ARHGAP22: variants seen among roughly 807,000 people sequenced by gnomAD.
The protein encoded by ARHGAP22 is Rho GTPase activating protein 22.
In ARHGAP22, 48 loss-of-function variants were observed where a neutral mutation model predicts 59.1. The observed-to-expected ratio is 0.81, with a 90% CI of 0.64 to 1.03. The LOEUF (loss-of-function observed/expected upper bound fraction) is 1.03. ARHGAP22 is among the 50% of genes least tolerant of loss of function. The pLI is 0.00. For synonymous variants in ARHGAP22, 445 were observed against 416.4 expected (o/e 1.07, Z -0.84); for missense variants, 1,015 against 958.7 (o/e 1.06, Z -0.78).
intron 1 of ARHGAP22, among the ~76,000 whole-genome samples, chr10:48,627,689 C>T (rs143735786): frequency 2.6e-5 from 4 of 152,324 alleles, no homozygotes; most frequent in South Asian, 2.1e-4. Flanking sequence ...GTTTTAGTTT[C>T]GAATTTCAGT....
At chr10:48,473,193 T>A (rs1237256452) in intron 4 of ARHGAP22, among the ~76,000 whole-genome samples, 1 of 152,224 alleles carries the variant, frequency 6.6e-6, no homozygotes, top group Non-Finnish European at 1.5e-5. Context: ...ATATTCCACA[T>A]AGATGAAACT....
intron 3 of ARHGAP22, among the ~76,000 whole-genome samples, chr10:48,486,766 T>A (rs2049901357): frequency 6.6e-6 from 1 of 152,248 alleles, no homozygotes; most frequent in South Asian, 2.1e-4. Context: ...CCTCTAACAT[T>A]TCTTGGAGTA....
At chr10:48,569,152 C>A (rs898541749) in intron 2 of ARHGAP22, among the ~76,000 whole-genome samples, 2 of 152,230 alleles carry the variant, frequency 1.3e-5, no homozygotes, top group African/African-American at 4.8e-5. Flanking sequence ...TATATGGTGT[C>A]TCTGTGAGAG....
chr10:48,450,324 A>G lies in ARHGAP22; in HGVS notation c.1805T>C (p.Leu602Pro). ...HARRSEALQGLVTELRAELCR... is the reference protein window; with the variant it reads ...HARRSEALQGPVTELRAELCR... ...CAGCTCGGCCCTGAGCTCAGTGACCAGCCCCTGTAAGGCCTCGGAGCGGCG... is the reference window on the plus strand; with the variant it reads ...CAGCTCGGCCCTGAGCTCAGTGACCGGCCCCTGTAAGGCCTCGGAGCGGCG... Residue 602 changes from leucine to proline, a missense_variant, in exon 9 of 10, where the codon CTG (leucine) becomes CCG (proline). Coordinates refer to ENST00000249601, the MANE Select transcript of ARHGAP22 (RefSeq NM_021226.4). 6.2e-7 allele frequency: 1 copy of G among 1,604,928 alleles called. No homozygotes were observed. The highest frequency in any genetic ancestry group is 2.3e-5 in the East Asian group (1 of 44,420).
downstream of ARHGAP22, among the ~76,000 whole-genome samples, chr10:48,441,927 T>TG (rs1017779541): frequency 6.6e-6 from 1 of 152,208 alleles, no homozygotes; most frequent in African/African-American, 2.4e-5. Context: ...CATCTTCTCT[T>TG]GATGCCTCAC....
At chr10:48,459,540 T>C in intron 5 of ARHGAP22, 144 bp downstream of exon 5, 1 of 909,042 alleles carries the variant, frequency 1.1e-6, no homozygotes. Flanking sequence ...AGTGAGGGTG[T>C]GCCCTACACT....
chr10:48,493,423 C>G (rs1318529259), intron 3 of ARHGAP22: 1 of 1,534,170 alleles, frequency 6.5e-7, no homozygotes, highest in Admixed American at 2.0e-5. Context: ...GCCAGTGACT[C>G]CAGCTATCCA....
intron 3 of ARHGAP22, among the ~76,000 whole-genome samples, chr10:48,498,225 A>G (rs2051145495): frequency 1.3e-5 from 2 of 152,188 alleles, no homozygotes; most frequent in Admixed American, 6.5e-5. Context: ...TGAGTCTCCC[A>G]TTACCTACTC....
At chr10:48,459,001 C>T (rs942025115) in intron 5 of ARHGAP22, among the ~76,000 whole-genome samples, 2 of 152,160 alleles carry the variant, frequency 1.3e-5, no homozygotes, top group African/African-American at 4.8e-5. Flanking sequence ...GGGGCAGATC[C>T]AAGAAGACAG....
chr10:48,651,400 A>G (rs770211444), intron 1 of ARHGAP22, among the ~76,000 whole-genome samples: 23 of 151,916 alleles, frequency 1.5e-4, no homozygotes, highest in Non-Finnish European at 2.5e-4. Context: ...AACCCATCCA[A>G]TCATCACCTG....
intron 1 of ARHGAP22, among the ~76,000 whole-genome samples, chr10:48,619,828 A>G (rs1474097461): frequency 6.6e-6 from 1 of 152,246 alleles, no homozygotes; most frequent in Non-Finnish European, 1.5e-5. Flanking sequence ...CAAAGGCAGC[A>G]GAAGAAAAAA....
chr10:48,450,669 T>C lies in ARHGAP22; in HGVS notation c.1460A>G (p.Gln487Arg). Residue 487 changes from glutamine (Q) to arginine (R), a missense_variant, in exon 9 of 10, where the codon CAG (glutamine) becomes CGG (arginine). Gln to Arg is a conservative substitution (Grantham distance 43). Transcript: ENST00000249601. Reference protein sequence around the residue: ...GDRLKDSGSVQRLSTYDNVPA... With the variant: ...GDRLKDSGSVRRLSTYDNVPA... The stretch of plus-strand genomic sequence containing the variant: ...CACATTGTCGTAGGTGGAGAGTCTC[T>C]GCACGGAGCCCGAGTCCTTGAGCCG... The C allele has an allele frequency of 6.4e-7, 1 of 1,550,594 alleles. No individual in the cohort carries two copies. The highest frequency in any genetic ancestry group is 8.7e-7 in the Non-Finnish European group (1 of 1,147,152).
At chr10:48,481,385 G>A (rs1338261144) in intron 3 of ARHGAP22, among the ~76,000 whole-genome samples, 2 of 152,056 alleles carry the variant, frequency 1.3e-5, no homozygotes, top group Non-Finnish European at 2.9e-5. Flanking sequence ...AGCATTCCTA[G>A]AAAAATATCT....
At chr10:48,604,185 C>G (rs2060544299) in intron 1 of ARHGAP22, among the ~76,000 whole-genome samples, 1 of 152,218 alleles carries the variant, frequency 6.6e-6, no homozygotes, top group Non-Finnish European at 1.5e-5. Context: ...CTCCTGACCC[C>G]CATCTCTTGC....
rs756280802 is a variant in ARHGAP22 at position 48,446,442 on chromosome 10, C to T, written c.2046G>A (p.Ser682=). 3 of 1,613,990 alleles carry T rather than the reference C, an allele frequency of 1.9e-6. No homozygotes were observed. The highest frequency in any genetic ancestry group is 1.3e-5 in the African/African-American group (1 of 74,910). The part of the protein sequence containing the change: ...LLQREMEEFF[S]TLGSLTVGAK... ...CCCCAACAGTCAAGCTTCCTAGGGTCGAAAAAAACTCCTCCATTTCCCTCT... is the reference window on the plus strand; with the variant it reads ...CCCCAACAGTCAAGCTTCCTAGGGTTGAAAAAAACTCCTCCATTTCCCTCT... The change falls in exon 10 of 10, where the codon TCG becomes TCA. Residue 682 remains serine (S), a synonymous_variant. Transcript: ENST00000249601.
At chr10:48,647,682 C>T (rs1207540078) in intron 1 of ARHGAP22, among the ~76,000 whole-genome samples, 4 of 152,124 alleles carry the variant, frequency 2.6e-5, no homozygotes, top group African/African-American at 7.2e-5. Flanking sequence ...ATAAACCTAC[C>T]ATACGACCCA....
intron 3 of ARHGAP22, among the ~76,000 whole-genome samples, chr10:48,480,360 T>C (rs1299544153): frequency 6.6e-6 from 1 of 152,248 alleles, no homozygotes; most frequent in Non-Finnish European, 1.5e-5. Context: ...AGACAGTTGC[T>C]TGTGAACTGA....
intron 1 of ARHGAP22, among the ~76,000 whole-genome samples, chr10:48,591,347 G>T (rs146558691): frequency 6.6e-6 from 1 of 152,310 alleles, no homozygotes; most frequent in East Asian, 1.9e-4. Context: ...AAGTCACCCC[G>T]AGGCACAGGG....
At chr10:48,453,766 C>A (rs905907761) in intron 7 of ARHGAP22, among the ~76,000 whole-genome samples, 2 of 152,196 alleles carry the variant, frequency 1.3e-5, no homozygotes, top group Non-Finnish European at 2.9e-5. Context: ...GATGGGGATA[C>A]ATGAAGGGTT....
Sources: gnomAD v4.1 joint callset for allele counts (sites outside exome capture counted in the v4.1 genomes callset) on GRCh38, gnomAD v4.1.1 for gene constraint, MANE v1.5 for transcripts, NCBI Gene and HGNC (gene_info 2026-07-23, HGNC 2026-07-21) for gene names.